The following SH3BP2 variants were observed in gnomAD, a reference collection of about 807,000 sequenced individuals.
The protein encoded by SH3BP2 is SH3 domain binding protein 2.
In SH3BP2, 38 loss-of-function variants were observed where a neutral mutation model predicts 56.2. The observed-to-expected ratio is 0.68, with a 90% CI of 0.52 to 0.89. The LOEUF is 0.89. Ranked by LOEUF, SH3BP2 falls within the 40% of genes least tolerant of loss-of-function variation. The probability of loss-of-function intolerance (pLI) is 0.00; values close to 1 mark genes in which losing one functional copy is unlikely to be tolerated. For missense variants in SH3BP2, 748 were observed against 762.6 expected, an observed-to-expected ratio of 0.98 and a Z score of 0.23; for synonymous variants, 346 against 316.7, an observed-to-expected ratio of 1.09 and a Z score of -0.98.
At chr4:2,818,416 G>A (rs7659817) in intron 1 of SH3BP2, 3 of 1,150,754 alleles carry the variant, frequency 2.6e-6, no homozygotes, top group Non-Finnish European at 3.2e-6. Context: ...CGGCCCCCGA[G>A]CCCCGGGACC....
chr4:2,825,286 G>T, intron 5 of SH3BP2, 90 bp downstream of exon 5: 1 of 1,107,014 alleles, frequency 9.0e-7, no homozygotes, highest in Middle Eastern at 2.1e-4. Context: ...CCCGGGCTTG[G>T]CATAGAATTC....
At chr4:2,799,457 A>G (rs1420716816) in intron 1 of SH3BP2, among the ~76,000 whole-genome samples, 3 of 152,048 alleles carry the variant, frequency 2.0e-5, no homozygotes, top group African/African-American at 7.2e-5. Context: ...TTTCTTGAGG[A>G]TGTGACCAGG....
Position 2,824,709 on chromosome 4 carries a change from C to T in SH3BP2, c.336C>T (p.Ala112=), listed in dbSNP as rs1389711124. ...SKKHRTWFFS[A]SSEEERKSWM... is the part of the protein sequence containing the mutation. ...AGCACCGCACGTGGTTCTTCTCGGCCTCCTCCGAGGAGGAGCGCAAGGTGA... is the reference window on the plus strand; with the variant it reads ...AGCACCGCACGTGGTTCTTCTCGGCTTCCTCCGAGGAGGAGCGCAAGGTGA... The change falls in exon 4 of 13, where the codon GCC becomes GCT. Residue 112 remains alanine, a synonymous_variant. Coordinates refer to ENST00000503393, the MANE Select transcript of SH3BP2 (RefSeq NM_001122681.2). 1 of 1,613,068 alleles carries T rather than the reference C, an allele frequency of 6.2e-7. No individual in the cohort carries two copies. Among genetic ancestry groups the T allele is most frequent in the Non-Finnish European group, 8.5e-7 (1 of 1,179,192 alleles).
chr4:2,827,754 G>T, intron 7 of SH3BP2, 80 bp downstream of exon 7: 2 of 1,186,408 alleles, frequency 1.7e-6, no homozygotes, highest in South Asian at 2.6e-5. Context: ...CCCCTCCGAG[G>T]CTGGGGATGC....
In SH3BP2 at chr4:2,822,956, T is replaced by C; in HGVS notation, c.158T>C (p.Ile53Thr). The C allele has an allele frequency of 1.2e-6, 2 of 1,613,972 alleles. No individual in the cohort carries two copies. Among genetic ancestry groups the C allele is most frequent in the Non-Finnish European group, 1.7e-6 (2 of 1,179,934 alleles). Residue 53 changes from isoleucine to threonine, a missense_variant, in exon 3 of 13, where the codon ATC (isoleucine) becomes ACC (threonine). Ile to Thr is a moderately conservative substitution (Grantham distance 89, BLOSUM62 -1). Coordinates refer to ENST00000503393, the MANE Select transcript of SH3BP2 (RefSeq NM_001122681.2). ...ACAGGGCCCCTGCGCTTTGTCATCA[T>C]CCACAAACGCTGCGTCTACTACTTC... ...LLKWPLRFVI[I>T]HKRCVYYFKS...
intron 1 of SH3BP2, chr4:2,809,720 C>A: frequency 1.1e-6 from 1 of 909,736 alleles, no homozygotes; most frequent in Non-Finnish European, 1.3e-6. Context: ...TTGCCTTACT[C>A]CTGAGCGGGC....
chr4:2,794,741 C>T (rs910571639), intron 1 of SH3BP2, among the ~76,000 whole-genome samples: 1 of 152,234 alleles, frequency 6.6e-6, no homozygotes, highest in African/African-American at 2.4e-5. Flanking sequence ...CCTGAAGAGG[C>T]AGACAGAGGG....
intron 1 of SH3BP2, chr4:2,818,385 G>C: frequency 9.3e-6 from 11 of 1,178,506 alleles, no homozygotes; most frequent in Non-Finnish European, 1.0e-5. Context: ...CCGCCGCGTG[G>C]ACGCCGTGAG....
chr4:2,825,123 C>T lies in SH3BP2; in HGVS notation c.358-3C>T. 1.9e-6 allele frequency: 3 copies of T among 1,569,814 alleles called. No individual in the cohort carries two copies. The highest frequency in any genetic ancestry group is 2.3e-5 in the South Asian group (2 of 85,480). On this transcript the variant is annotated splice_region_variant and splice_polypyrimidine_tract_variant and intron_variant, in intron 4 of 12. Coordinates refer to ENST00000503393, the MANE Select transcript of SH3BP2 (RefSeq NM_001122681.2). ...TGCCCACCACAGCCCCGCTGACCTG[C>T]AGAGCTGGATGGCCTTGCTGCGCAG...
chr4:2,840,068 T>A lies in SH3BP2; in HGVS notation c.*6234T>A, dbSNP rs1198306435. Reference sequence around the variant, plus strand: ...GGCGAAACACCATCTCTACAAAAAATACAAAAATTAGCTGGACATGGTGGT... The same window carrying A: ...GGCGAAACACCATCTCTACAAAAAAAACAAAAATTAGCTGGACATGGTGGT... On this transcript the variant is annotated 3_prime_UTR_variant, in exon 13 of 13. Coordinates refer to ENST00000503393, the MANE Select transcript of SH3BP2 (RefSeq NM_001122681.2). 6.6e-6 allele frequency: 1 copy of A among 151,542 alleles called. No individual in the cohort carries two copies. The highest frequency in any genetic ancestry group is 1.9e-4 in the East Asian group (1 of 5,170). The allele number at this position is 151,542 out of a possible 1,614,324, so 9.4% of individuals were successfully genotyped here.
Position 2,834,064 on chromosome 4 carries a change from C to G in SH3BP2, c.*230C>G, listed in dbSNP as rs908282624. On this transcript the variant is annotated 3_prime_UTR_variant, in exon 13 of 13. Transcript: ENST00000503393. ...GACGAAGGGACTCTGTTGCCCCACACTAACTTGCCCTGTCCCAATCCCAGA... is the reference window on the plus strand; with the variant it reads ...GACGAAGGGACTCTGTTGCCCCACAGTAACTTGCCCTGTCCCAATCCCAGA... 1.8e-6 allele frequency: 1 copy of G among 568,760 alleles called. No individual in the cohort carries two copies. The highest frequency in any genetic ancestry group is 2.9e-5 in the East Asian group (1 of 34,166). 35.2% of individuals were successfully genotyped at this position (568,760 alleles called of 1,614,324 possible). A position where few individuals can be genotyped will look rare whatever the true frequency, so the allele number is the denominator to read the frequency against.
intron 1 of SH3BP2, among the ~76,000 whole-genome samples, chr4:2,820,265 C>A (rs1294678086): frequency 6.6e-6 from 1 of 152,220 alleles, no homozygotes; most frequent in East Asian, 1.9e-4. Context: ...CCTGGGCTGG[C>A]AGTTTTCTGA....
rs1721563720 is a variant in SH3BP2, at chr4:2,802,576, ATATG to A, written c.-5+9442_-5+9445del. 2.3e-4 allele frequency among the ~76,000 whole-genome samples: 29 copies of A among 123,930 alleles called. No homozygotes were observed. The Admixed American group carries it at 2.4e-3, about 10-fold the overall frequency. The allele number at this position is 123,930 out of a possible 152,430, so 81.3% of individuals were successfully genotyped here. On this transcript the variant is annotated intron_variant, in intron 1 of 12. Transcript: ENST00000503393. Reference sequence around the variant, plus strand: ...TATGTGTATATATGTATATATGTGTATATGTATATATATGTTTGTATATATGTGT... The same window carrying A: ...TATGTGTATATATGTATATATGTGTATATATATATGTTTGTATATATGTGT...
intron 1 of SH3BP2, among the ~76,000 whole-genome samples, chr4:2,808,690 G>A (rs1449853705): frequency 6.6e-6 from 1 of 152,088 alleles, no homozygotes; most frequent in Non-Finnish European, 1.5e-5. Context: ...AGGCCCCATG[G>A]GAGGGGCTCA....
chr4:2,795,349 C>T (rs973364241), intron 1 of SH3BP2, among the ~76,000 whole-genome samples: 1 of 152,230 alleles, frequency 6.6e-6, no homozygotes, highest in Non-Finnish European at 1.5e-5. Context: ...CAAAAGCTCC[C>T]TTGTGGGGAC....
Position 2,810,610 on chromosome 4 carries a change from G to A in SH3BP2, c.-4-10004G>A, listed in dbSNP as rs536110058. On this transcript the variant is annotated intron_variant, in intron 1 of 12. Transcript: ENST00000503393. The surrounding 1 kb of genome is among the most constrained non-coding windows in gnomAD (Gnocchi z 4.2). The stretch of plus-strand genomic sequence containing the variant: ...TGCGTTGGCCACCTCATTGCCTGTG[G>A]ATTCCTCCCAACCCTGGGGTGTGCT... Among the ~76,000 whole-genome samples the A allele has an allele frequency of 4.7e-4, 72 of 151,970 alleles. 2 individuals carry two copies. In the South Asian group the frequency reaches 0.014, roughly 29 times the overall value.
At chr4:2,833,672 C>T (rs538231122) in intron 12 of SH3BP2, 25 bp from the exon 13 acceptor site, 62 of 1,604,450 alleles carry the variant, frequency 3.9e-5, no homozygotes, top group South Asian at 2.6e-4. Flanking sequence ...GCCCTGCTGA[C>T]GCTCCCCCTT....
chr4:2,803,982 C>T (rs1012321433), intron 1 of SH3BP2, among the ~76,000 whole-genome samples: 1 of 152,164 alleles, frequency 6.6e-6, no homozygotes, highest in Non-Finnish European at 1.5e-5. Context: ...AGTGCCTCCC[C>T]TGTGCCCGAT....
chr4:2,812,971 G>A (rs430979), intron 1 of SH3BP2, among the ~76,000 whole-genome samples: 2 of 151,922 alleles, frequency 1.3e-5, no homozygotes, highest in African/African-American at 4.8e-5. Context: ...TGGAGGACCC[G>A]CAGGGACCTC....
Sources: allele counts gnomAD v4.1 joint callset (sites outside exome capture counted in the v4.1 genomes callset), GRCh38; gene constraint gnomAD v4.1.1; non-coding constraint Gnocchi (gnomAD v3.1); transcripts MANE v1.5; gene names NCBI Gene and HGNC (gene_info 2026-07-23, HGNC 2026-07-21).